Variants in ABCA3 observed in about 807,000 individuals in gnomAD.
ABCA3 encodes phospholipid-transporting ATPase ABCA3.
A neutral mutation model predicts 172.8 loss-of-function variants in ABCA3; 88 were observed. The ratio of observed to expected loss-of-function variants is 0.51; its 90% confidence interval spans 0.43 to 0.61. The LOEUF (loss-of-function observed/expected upper bound fraction) is 0.61, where lower values mean the gene tolerates loss of function less well. Among genes scored for constraint, ABCA3 ranks in the 20% least tolerant of loss-of-function variants. ABCA3 has a pLI of 0.00. For missense variants in ABCA3, 2,164 were observed against 2,301.0 expected (o/e 0.94, Z 1.22); for synonymous variants, 1,066 against 983.8 (o/e 1.08, Z -1.56).
intron 12 of ABCA3, among the ~76,000 whole-genome samples, chr16:2,303,715 C>T (rs996069983): frequency 2.0e-5 from 3 of 152,152 alleles, no homozygotes; most frequent in Admixed American, 6.5e-5. Flanking sequence ...CCAGAGCAGC[C>T]GGTTCTCTGC....
rs45502600 is a variant in ABCA3, at chr16:2,289,628, G to A, written c.2514-8C>T. 7,219 of 1,548,062 alleles carry A rather than the reference G, an allele frequency of 4.7e-3. 259 individuals carry two copies. In the African/African-American group the frequency reaches 0.078, roughly 17 times the overall value. ...TCCACCAGCTTCCCGACCCTGTGCC[G>A]ATACACACAGGGACCGGTCAGGACC... On this transcript the variant is annotated splice_region_variant and splice_polypyrimidine_tract_variant and intron_variant, in intron 19 of 32. Coordinates refer to ENST00000301732, the MANE Select transcript of ABCA3 (RefSeq NM_001089.3).
At position 2,279,153 on chromosome 16, in the gene ABCA3, G is replaced by T. The variant is rs1298635155; in HGVS notation, c.4360-23C>A. The T allele has an allele frequency of 6.8e-6, 11 of 1,607,796 alleles. No homozygotes were observed. The highest frequency in any genetic ancestry group is 7.6e-6 in the Non-Finnish European group (9 of 1,179,634). On this transcript the variant is annotated intron_variant, in intron 28 of 32. Transcript: ENST00000301732. This position sits in a 1 kb window ranked among gnomAD's most constrained non-coding sequence, Gnocchi z 4.4. ...CACCTGGGGTCGGAGCATAGCCGGG[G>T]AGGGAGGCGGGTTGGAGGGAAGCCT...
At chr16:2,334,136 G>A (rs1001860008) in intron 1 of ABCA3, among the ~76,000 whole-genome samples, 1 of 152,218 alleles carries the variant, frequency 6.6e-6, no homozygotes, top group African/African-American at 2.4e-5. Flanking sequence ...GAGCAAGACA[G>A]GGAGATGGCC....
In ABCA3 at chr16:2,284,714, C is replaced by G. The variant is rs2093660083; in HGVS notation, c.3703+65G>C. The G allele has an allele frequency of 6.5e-7, 1 of 1,536,090 alleles. No individual in the cohort carries two copies. Among genetic ancestry groups the G allele is most frequent in the East Asian group, 2.4e-5 (1 of 41,776 alleles). On this transcript the variant is annotated intron_variant, in intron 24 of 32. Transcript: ENST00000301732. This position sits in a 1 kb window ranked among gnomAD's most constrained non-coding sequence, Gnocchi z 5.9. ...CCCGCCTCGGCTGTGGCTGGTGCCT[C>G]CCTGTCTGGGCGGAGTGGCTCCGTG...
Position 2,283,413 on chromosome 16 carries a change from C to G in ABCA3, c.3863-55G>C, listed in dbSNP as rs1280488243. ...AGGCCTGGGGCACCCTCCTCCCCTT[C>G]CAGGTTCCCGGCCCCCACTCCCCTC... On this transcript the variant is annotated intron_variant, in intron 25 of 32. Coordinates refer to ENST00000301732, the MANE Select transcript of ABCA3 (RefSeq NM_001089.3). This position sits in a 1 kb window ranked among gnomAD's most constrained non-coding sequence, Gnocchi z 5.4. 6.3e-7 allele frequency: 1 copy of G among 1,589,954 alleles called. No homozygotes were observed. Among genetic ancestry groups the G allele is most frequent in the African/African-American group, 1.3e-5 (1 of 74,346 alleles).
In ABCA3 at chr16:2,288,362, C is replaced by G. The variant is rs313908; in HGVS notation, c.2701-33G>C. 0.74 allele frequency: 1,134,336 copies of G among 1,534,392 alleles called. 423,495 individuals carry two copies. Among genetic ancestry groups the G allele is most frequent in the East Asian group, 0.97 (39,851 of 40,948 alleles). Reference sequence around the variant, plus strand: ...AGAGGGGACGCAGGTGACACCGGCACCGCTTGGGGCCCAGCGCCTGACCCC... The same window carrying G: ...AGAGGGGACGCAGGTGACACCGGCAGCGCTTGGGGCCCAGCGCCTGACCCC... On this transcript the variant is annotated intron_variant, in intron 20 of 32. Coordinates refer to ENST00000301732, the MANE Select transcript of ABCA3 (RefSeq NM_001089.3).
intron 12 of ABCA3, among the ~76,000 whole-genome samples, chr16:2,301,984 G>A (rs915801979): frequency 5.9e-5 from 9 of 152,252 alleles, no homozygotes; most frequent in African/African-American, 2.2e-4. Context: ...GCGGAAAACC[G>A]CTTAAAGGCA....
chr16:2,322,063 T>C (rs1674884444), intron 7 of ABCA3, among the ~76,000 whole-genome samples: 1 of 151,874 alleles, frequency 6.6e-6, no homozygotes, highest in African/African-American at 2.4e-5. Context: ...CTGGGCGTGG[T>C]GGTGTGCGCC....
At chr16:2,308,406 G>A in intron 11 of ABCA3, 44 bp downstream of exon 11, 1 of 1,612,696 alleles carries the variant, frequency 6.2e-7, no homozygotes, top group African/African-American at 1.3e-5. Flanking sequence ...GCTCTCGAAG[G>A]TTACTGATTC....
rs2093658939 is a variant in ABCA3, at chr16:2,283,997, G to A, written c.3862+282C>T. 1 of 399,514 alleles carries A rather than the reference G, an allele frequency of 2.5e-6. No homozygotes were observed. Among genetic ancestry groups the A allele is most frequent in the Non-Finnish European group, 4.7e-6 (1 of 214,270 alleles). The allele number at this position is 399,514 out of a possible 1,614,324, so 24.7% of individuals were successfully genotyped here. A position where few individuals can be genotyped will look rare whatever the true frequency, so the allele number is the denominator to read the frequency against. On this transcript the variant is annotated intron_variant, in intron 25 of 32. Transcript: ENST00000301732. This position sits in a 1 kb window ranked among gnomAD's most constrained non-coding sequence, Gnocchi z 5.4. Reference sequence around the variant, plus strand: ...AGAAGCAGGAAGGGTCCTCCCCTGAGCCATGGGGGATTCACTCCTCGTGCT... The same window carrying A: ...AGAAGCAGGAAGGGTCCTCCCCTGAACCATGGGGGATTCACTCCTCGTGCT...
intron 10 of ABCA3, among the ~76,000 whole-genome samples, chr16:2,308,946 C>T (rs1489750396): frequency 6.6e-6 from 1 of 152,120 alleles, no homozygotes; most frequent in Non-Finnish European, 1.5e-5. Flanking sequence ...CCGCCTAAGC[C>T]CCACTTCTTT....
rs185635501 is a variant in ABCA3 at position 2,287,805 on chromosome 16, G to A, written c.3004+221C>T. On this transcript the variant is annotated intron_variant, in intron 21 of 32. Coordinates refer to ENST00000301732, the MANE Select transcript of ABCA3 (RefSeq NM_001089.3). The surrounding 1 kb of genome is among the most constrained non-coding windows in gnomAD (Gnocchi z 4.1). Reference sequence around the variant, plus strand: ...AGGGCACTTCCCCTGACTCAGTGCCGTGATCTGCCACCCAGGGGACATCCG... The same window carrying A: ...AGGGCACTTCCCCTGACTCAGTGCCATGATCTGCCACCCAGGGGACATCCG... Among the ~76,000 whole-genome samples, 8 of 152,198 alleles carry A rather than the reference G, an allele frequency of 5.3e-5. No homozygotes were observed. Among genetic ancestry groups the A allele is most frequent in the Non-Finnish European group, 7.3e-5 (5 of 68,034 alleles).
chr16:2,326,881 G>T (rs549518502), intron 3 of ABCA3, among the ~76,000 whole-genome samples: 4 of 152,190 alleles, frequency 2.6e-5, no homozygotes, highest in Admixed American at 2.6e-4. Flanking sequence ...CCAGCTACTC[G>T]AGAGGCTGAG....
At position 2,285,724 on chromosome 16, in the gene ABCA3, C is replaced by T. The variant is rs374596575; in HGVS notation, c.3279-78G>A. On this transcript the variant is annotated intron_variant, in intron 22 of 32. Transcript: ENST00000301732. The surrounding 1 kb of genome is among the most constrained non-coding windows in gnomAD (Gnocchi z 4.7). ...GAGAGGTCGGGTTCTCGGTTATGAC[C>T]GCCCAAGGCATGCAGGGCAGCAGCC... 1.3e-5 allele frequency: 19 copies of T among 1,428,698 alleles called. No individual in the cohort carries two copies. Among genetic ancestry groups the T allele is most frequent in the East Asian group, 2.5e-5 (1 of 40,352 alleles). 88.5% of individuals were successfully genotyped at this position (1,428,698 alleles called of 1,614,324 possible).
intron 10 of ABCA3, among the ~76,000 whole-genome samples, chr16:2,316,159 A>C (rs1291317135): frequency 7.1e-6 from 1 of 140,030 alleles, no homozygotes; most frequent in Non-Finnish European, 1.5e-5. Flanking sequence ...AAAAAAAAAA[A>C]AAGCTAGGTG....
intron 10 of ABCA3, among the ~76,000 whole-genome samples, chr16:2,309,575 T>C (rs574012816): frequency 6.6e-6 from 1 of 152,292 alleles, no homozygotes; most frequent in East Asian, 1.9e-4. Context: ...GAGATGGGCA[T>C]GTTTTCTGTC....
intron 12 of ABCA3, among the ~76,000 whole-genome samples, chr16:2,301,955 A>T (rs954960825): frequency 6.6e-6 from 1 of 152,270 alleles, no homozygotes; most frequent in Non-Finnish European, 1.5e-5. Context: ...GTGGGCAAGG[A>T]ACACCTGGCC....
chr16:2,308,311 GC>G, intron 11 of ABCA3, 138 bp downstream of exon 11: 1 of 1,036,520 alleles, frequency 9.6e-7, no homozygotes, highest in Non-Finnish European at 1.5e-6. Flanking sequence ...AGCGCTGTAT[GC>G]GGATGCTGCT....
chr16:2,309,905 C>T (rs2093703814), intron 10 of ABCA3, among the ~76,000 whole-genome samples: 2 of 152,024 alleles, frequency 1.3e-5, no homozygotes, highest in South Asian at 4.2e-4. Context: ...CAGGTCTGAG[C>T]CACCGTGCCC....
Sources: allele counts gnomAD v4.1 joint callset (sites outside exome capture counted in the v4.1 genomes callset), GRCh38; gene constraint gnomAD v4.1.1; non-coding constraint Gnocchi (gnomAD v3.1); transcripts MANE v1.5; gene names NCBI Gene and HGNC (gene_info 2026-07-23, HGNC 2026-07-21).